The following PCNT variants were observed in gnomAD, a reference collection of about 807,000 sequenced individuals.
PCNT encodes the protein pericentrin.
PCNT carries 319 observed loss-of-function variants against 380.4 expected under a neutral mutation model. That is an observed-to-expected ratio of 0.84 (90% CI 0.77 to 0.92). The LOEUF (loss-of-function observed/expected upper bound fraction) is 0.92, where lower values mean the gene tolerates loss of function less well. Among genes scored for constraint, PCNT ranks in the 40% least tolerant of loss-of-function variants. The pLI is 0.00. For missense variants in PCNT, 4,400 were observed against 4,255.3 expected (o/e 1.03, Z -0.95); for synonymous variants, 1,845 against 1,735.2 (o/e 1.06, Z -1.57).
At position 46,349,685 on chromosome 21, in the gene PCNT, G is replaced by A. The variant is rs756830023; in HGVS notation, c.1209G>A (p.Arg403=). ...AGTGCCATTGCTTTACCTTTCTAGG[G>A]GCCCTTAGGAACCTGGAGAGTCATC... ...KIFQDKNQAE[R]ALRNLESHHQ... Residue 403 remains arginine, a splice_region_variant and synonymous_variant, in exon 8 of 47, where the codon CGG becomes CGA. Transcript: ENST00000359568. 6.2e-7 allele frequency: 1 copy of A among 1,613,974 alleles called. No homozygotes were observed. Among genetic ancestry groups the A allele is most frequent in the Non-Finnish European group, 8.5e-7 (1 of 1,179,890 alleles).
At chr21:46,353,649 T>C (rs571595289) in intron 10 of PCNT, among the ~76,000 whole-genome samples, 8 of 151,436 alleles carry the variant, frequency 5.3e-5, no homozygotes, top group Admixed American at 3.9e-4. Context: ...CGTGTGTGTG[T>C]GTTGGTGGCA....
At chr21:46,406,146 G>A (rs1299492783) in intron 27 of PCNT, among the ~76,000 whole-genome samples, 2 of 152,176 alleles carry the variant, frequency 1.3e-5, no homozygotes, top group African/African-American at 2.4e-5. Context: ...GTGGGGAAAC[G>A]GAGCTCCCGT....
chr21:46,324,485 C>G (rs1183714227), intron 1 of PCNT, among the ~76,000 whole-genome samples: 1 of 151,600 alleles, frequency 6.6e-6, no homozygotes, highest in Non-Finnish European at 1.5e-5. Context: ...AGGTCCCGCC[C>G]CCGCCGCGGC....
chr21:46,416,543 G>A lies in PCNT; in HGVS notation c.6625G>A (p.Ala2209Thr), dbSNP rs769183047. The A allele has an allele frequency of 1.0e-4, 161 of 1,613,270 alleles. No homozygotes were observed. Among genetic ancestry groups the A allele is most frequent in the Non-Finnish European group, 1.3e-4 (154 of 1,179,888 alleles). ...GSRHQSHTAE[A>T]GPRKSPVGML... is the part of the protein sequence containing the mutation. Reference sequence around the variant, plus strand: ...CCGCCACCAGAGCCACACTGCAGAGGCTGGGCCCCGGAAGAGCCCGGTCGG... The same window carrying A: ...CCGCCACCAGAGCCACACTGCAGAGACTGGGCCCCGGAAGAGCCCGGTCGG... The change falls in exon 30 of 47, where the codon GCT becomes ACT. Residue 2209 changes from alanine (A) to threonine (T), a missense_variant. Physicochemically the swap from Ala to Thr is moderately conservative, Grantham distance 58. Coordinates refer to ENST00000359568, the MANE Select transcript of PCNT (RefSeq NM_006031.6).
chr21:46,344,502 C>A (rs1007808188), intron 3 of PCNT, among the ~76,000 whole-genome samples: 1 of 152,228 alleles, frequency 6.6e-6, no homozygotes, highest in Non-Finnish European at 1.5e-5. Context: ...CCTCCGGGGG[C>A]CTTTCTAGCT....
intron 4 of PCNT, 169 bp from the exon 5 acceptor site, chr21:46,346,574 G>A (rs1256759420): frequency 1.3e-6 from 1 of 788,724 alleles, no homozygotes; most frequent in Non-Finnish European, 2.1e-6. Flanking sequence ...GGAGCTGGGT[G>A]GCATCTCAGT....
intron 13 of PCNT, among the ~76,000 whole-genome samples, chr21:46,358,097 G>A (rs1352597587): frequency 1.3e-5 from 2 of 151,734 alleles, no homozygotes; most frequent in East Asian, 3.9e-4. Context: ...GTCCCATGCC[G>A]GAGCAGTGGA....
intron 27 of PCNT, among the ~76,000 whole-genome samples, chr21:46,406,177 T>G (rs1207407710): frequency 6.6e-6 from 1 of 152,248 alleles, no homozygotes; most frequent in Non-Finnish European, 1.5e-5. Flanking sequence ...TGGTCGTGGT[T>G]GTTGTCACTT....
chr21:46,419,840 A>G (rs2147818875), intron 31 of PCNT, among the ~76,000 whole-genome samples: 1 of 152,154 alleles, frequency 6.6e-6, no homozygotes, highest in Admixed American at 6.5e-5. Flanking sequence ...TCCCGTACTC[A>G]AGTCATCCTC....
chr21:46,334,897 TAGAG>T, intron 3 of PCNT, 129 bp downstream of exon 3: 1 of 1,449,968 alleles, frequency 6.9e-7, no homozygotes, highest in Non-Finnish European at 9.4e-7. Flanking sequence ...ACTGGAAGCA[TAGAG>T]AGCTGGAGGC....
intron 16 of PCNT, among the ~76,000 whole-genome samples, chr21:46,383,803 C>G (rs1292948378): frequency 1.4e-5 from 2 of 143,900 alleles, no homozygotes; most frequent in South Asian, 2.4e-4. Flanking sequence ...GTGGCAGAAG[C>G]GCATTCACGG....
At chr21:46,396,931 C>T (rs1460930995) in intron 21 of PCNT, among the ~76,000 whole-genome samples, 2 of 152,092 alleles carry the variant, frequency 1.3e-5, no homozygotes, top group African/African-American at 2.4e-5. Context: ...ACCGATGGGG[C>T]GTTTGCCTTT....
chr21:46,430,269 G>T (rs376582465), intron 36 of PCNT, 37 bp downstream of exon 36: 1 of 1,572,672 alleles, frequency 6.4e-7, no homozygotes, highest in South Asian at 1.1e-5. Context: ...ACTGGCGGGA[G>T]TCCCCCCGTT....
chr21:46,386,112 CG>C, intron 17 of PCNT, 129 bp downstream of exon 17: 2 of 1,064,634 alleles, frequency 1.9e-6, no homozygotes, highest in East Asian at 2.5e-5. Context: ...TCCTGGTGGA[CG>C]GGGACCCGGC....
chr21:46,400,916 C>G (rs2086403213), intron 25 of PCNT, among the ~76,000 whole-genome samples: 1 of 152,192 alleles, frequency 6.6e-6, no homozygotes, highest in African/African-American at 2.4e-5. Context: ...GCAGGGAGGA[C>G]CGCTGAGCAT....
chr21:46,407,342 T>C (rs959027719), intron 27 of PCNT, among the ~76,000 whole-genome samples: 34 of 135,958 alleles, frequency 2.5e-4, no homozygotes, highest in African/African-American at 2.5e-4. Flanking sequence ...TACTTTCTCT[T>C]TTTTTTTTTT....
In PCNT at chr21:46,397,480, CG is replaced by C; in HGVS notation, c.4434del (p.Gln1479AsnfsTer58). 1 of 1,613,618 alleles carries C rather than the reference CG, an allele frequency of 6.2e-7. No homozygotes were observed. The highest frequency in any genetic ancestry group is 2.2e-5 in the East Asian group (1 of 44,880). ...ASLDKHLRNQ[R>X]QFMDEQAAER... ...TCTGGACAAGCATTTGCGCAACCAG[CG>C]GCAATTCATGGATGTAAGAATTCTG... On this transcript the variant is annotated frameshift_variant, in exon 22 of 47. Coordinates refer to ENST00000359568, the MANE Select transcript of PCNT (RefSeq NM_006031.6). LOFTEE classifies it high-confidence loss of function.
At chr21:46,433,568 C>G (rs1202486934) in intron 38 of PCNT, among the ~76,000 whole-genome samples, 1 of 152,102 alleles carries the variant, frequency 6.6e-6, no homozygotes, top group Non-Finnish European at 1.5e-5. Context: ...AAGAGCTCAT[C>G]CTTTGATGGA....
At chr21:46,347,539 C>T (rs370205849) in intron 6 of PCNT, 27 bp downstream of exon 6, 88 of 1,608,110 alleles carry the variant, frequency 5.5e-5, no homozygotes, top group African/African-American at 1.5e-4. Flanking sequence ...CTAAAATGCA[C>T]GCCTCTGTGT....
Sources: allele counts gnomAD v4.1 joint callset (sites outside exome capture counted in the v4.1 genomes callset), GRCh38; gene constraint gnomAD v4.1.1; transcripts MANE v1.5; gene names NCBI Gene and HGNC (gene_info 2026-07-23, HGNC 2026-07-21).